The following SRBD1 variants were observed in gnomAD, a reference collection of about 807,000 sequenced individuals.
SRBD1 encodes the protein S1 RNA binding domain 1.
SRBD1 carries 88 observed loss-of-function variants against 115.3 expected under a neutral mutation model. The ratio of observed to expected loss-of-function variants is 0.76; its 90% confidence interval spans 0.64 to 0.91. The LOEUF is 0.91. Among genes scored for constraint, SRBD1 ranks in the 40% least tolerant of loss-of-function variants. The pLI, the probability that SRBD1 is intolerant of heterozygous loss-of-function variation, is 0.00. For missense variants in SRBD1, 1,385 were observed against 1,177.4 expected (o/e 1.18, Z -2.58); for synonymous variants, 509 against 407.7 (o/e 1.25, Z -2.99).
chr2:45,532,043 C>G (rs143736426), intron 14 of SRBD1, among the ~76,000 whole-genome samples: 22 of 148,564 alleles, frequency 1.5e-4, no homozygotes, highest in Admixed American at 1.5e-3. Context: ...ATTAAAGACT[C>G]TCCAACCCAA....
intron 16 of SRBD1, among the ~76,000 whole-genome samples, chr2:45,452,752 G>A (rs1025514860): frequency 6.6e-6 from 1 of 151,918 alleles, no homozygotes; most frequent in African/African-American, 2.4e-5. Context: ...TCAAACAGCT[G>A]TATGGGGTTG....
chr2:45,591,114 G>A (rs1355067282), intron 4 of SRBD1, among the ~76,000 whole-genome samples: 1 of 152,110 alleles, frequency 6.6e-6, no homozygotes, highest in African/African-American at 2.4e-5. Context: ...TGCAGCTGGA[G>A]GCTTCAGGAT....
At chr2:45,599,897 T>C in intron 3 of SRBD1, 62 bp from the exon 4 acceptor site, 3 of 1,497,814 alleles carry the variant, frequency 2.0e-6, no homozygotes, top group Non-Finnish European at 2.7e-6. Context: ...CCTGGGACTA[T>C]TACTCACAAA....
intron 16 of SRBD1, among the ~76,000 whole-genome samples, chr2:45,458,456 T>C (rs1005003045): frequency 6.6e-5 from 10 of 152,054 alleles, no homozygotes; most frequent in African/African-American, 2.2e-4. Flanking sequence ...GAGTAGGAGG[T>C]ACATTCAGCT....
At chr2:45,554,146 T>G (rs556448545) in intron 10 of SRBD1, among the ~76,000 whole-genome samples, 81 of 152,194 alleles carry the variant, frequency 5.3e-4, no homozygotes, top group African/African-American at 1.8e-3. Context: ...GTCATAAGGG[T>G]GGGGCTCTCA....
intron 16 of SRBD1, among the ~76,000 whole-genome samples, chr2:45,469,355 A>G (rs1300944828): frequency 1.3e-5 from 2 of 152,246 alleles, no homozygotes; most frequent in Non-Finnish European, 2.9e-5. Flanking sequence ...CACGAAAACT[A>G]GAAGGTGAAC....
At chr2:45,435,308 G>A (rs758605479) in intron 16 of SRBD1, among the ~76,000 whole-genome samples, 46 of 151,998 alleles carry the variant, frequency 3.0e-4, no homozygotes, top group Admixed American at 2.9e-3. Flanking sequence ...AATTGCCCCA[G>A]CTTTCTGTCT....
intron 14 of SRBD1, among the ~76,000 whole-genome samples, chr2:45,510,108 C>T (rs1670921752): frequency 6.6e-6 from 1 of 152,144 alleles, no homozygotes; most frequent in Non-Finnish European, 1.5e-5. Flanking sequence ...TGGAGAAACA[C>T]AGATTTCTAA....
At chr2:45,562,169 A>T in intron 10 of SRBD1, among the ~76,000 whole-genome samples, 1 of 151,992 alleles carries the variant, frequency 6.6e-6, no homozygotes, top group South Asian at 2.1e-4. Flanking sequence ...TTATTTTATT[A>T]TTTTTTTTAA....
At chr2:45,441,174 G>C (rs998363491) in intron 16 of SRBD1, among the ~76,000 whole-genome samples, 2 of 152,068 alleles carry the variant, frequency 1.3e-5, no homozygotes, top group African/African-American at 2.4e-5. Context: ...CATTAATGTG[G>C]AGTCAGAGAG....
intron 14 of SRBD1, among the ~76,000 whole-genome samples, chr2:45,535,360 T>A (rs928124418): frequency 6.6e-6 from 1 of 152,036 alleles, no homozygotes; most frequent in Non-Finnish European, 1.5e-5. Flanking sequence ...GTTTTATTTG[T>A]AAGAAACGCA....
intron 10 of SRBD1, among the ~76,000 whole-genome samples, chr2:45,554,988 T>C (rs1205060060): frequency 1.3e-5 from 2 of 151,920 alleles, no homozygotes; most frequent in African/African-American, 4.8e-5. Flanking sequence ...AGAAGCTGAC[T>C]CACCAAACAG....
At chr2:45,572,185 TA>T (rs1558486817) in intron 9 of SRBD1, among the ~76,000 whole-genome samples, 2 of 152,036 alleles carry the variant, frequency 1.3e-5, no homozygotes, top group Non-Finnish European at 2.9e-5. Flanking sequence ...TGATTCCTCA[TA>T]AAAAACTATG....
At position 45,529,707 on chromosome 2, in the gene SRBD1, G is replaced by A. The variant is rs149709877; in HGVS notation, c.1874+17025C>T. On this transcript the variant is annotated intron_variant, in intron 14 of 20. Transcript: ENST00000263736. ...TAGGGATTCCCCAAATAGGAGAGAA[G>A]AGAAGAAAGAAAATAGGTATCTGGG... Among the ~76,000 whole-genome samples, 269 of 152,072 alleles carry A rather than the reference G, an allele frequency of 1.8e-3. 2 individuals carry two copies. The highest frequency in any genetic ancestry group is 3.4e-3 in the Middle Eastern group (1 of 294).
At chr2:45,496,765 A>C (rs1202640368) in intron 14 of SRBD1, among the ~76,000 whole-genome samples, 1 of 152,180 alleles carries the variant, frequency 6.6e-6, no homozygotes, top group Non-Finnish European at 1.5e-5. Context: ...ATACCTCAGC[A>C]GGAGTCACCA....
intron 11 of SRBD1, among the ~76,000 whole-genome samples, chr2:45,551,817 C>T (rs1672309951): frequency 6.6e-6 from 1 of 151,974 alleles, no homozygotes; most frequent in South Asian, 2.1e-4. Context: ...TGGATTCTAT[C>T]CTGGAGACAA....
chr2:45,421,510 CAAAAAAAAAAAAAAA>C (rs869298079), intron 16 of SRBD1, among the ~76,000 whole-genome samples: 12 of 22,300 alleles, frequency 5.4e-4, no homozygotes, highest in East Asian at 4.1e-3. Flanking sequence ...CCGTCTCAAA[CAAAAAAAAAAAAAAA>C]AAAAAAAAAA....
At chr2:45,511,129 T>A (rs577717747) in intron 14 of SRBD1, among the ~76,000 whole-genome samples, 1 of 152,350 alleles carries the variant, frequency 6.6e-6, no homozygotes, top group African/African-American at 2.4e-5. Flanking sequence ...AATTGCAGGC[T>A]GTACAAGGTG....
chr2:45,513,694 C>T (rs1293360668), intron 14 of SRBD1, among the ~76,000 whole-genome samples: 1 of 151,928 alleles, frequency 6.6e-6, no homozygotes, highest in African/African-American at 2.4e-5. Flanking sequence ...GACTCAAATA[C>T]CGTATCATGT....
Sources: allele counts gnomAD v4.1 joint callset (sites outside exome capture counted in the v4.1 genomes callset), GRCh38; gene constraint gnomAD v4.1.1; transcripts MANE v1.5; gene names NCBI Gene and HGNC (gene_info 2026-07-23, HGNC 2026-07-21).